The following GRIP1 variants were observed in gnomAD, a reference collection of about 807,000 sequenced individuals.
GRIP1 encodes glutamate receptor-interacting protein 1.
In GRIP1, 45 loss-of-function variants were observed where a neutral mutation model predicts 129.9. The ratio of observed to expected loss-of-function variants is 0.35; its 90% CI spans 0.27 to 0.44. GRIP1 has a LOEUF of 0.44. GRIP1 is among the 20% of genes least tolerant of loss of function. The pLI is 1.00. For missense variants in GRIP1, 1,196 were observed against 1,396.8 expected (o/e 0.86, Z 2.29); for synonymous variants, 530 against 520.8 (o/e 1.02, Z -0.24).
chr12:66,472,843 GCT>G (rs1203445540), intron 7 of GRIP1, among the ~76,000 whole-genome samples: 1 of 152,190 alleles, frequency 6.6e-6, no homozygotes, highest in Non-Finnish European at 1.5e-5. Context: ...ACAAGGAGAT[GCT>G]CTCTGGTGCC....
chr12:66,652,889 G>C (rs968850895), intron 1 of GRIP1, among the ~76,000 whole-genome samples: 2 of 152,214 alleles, frequency 1.3e-5, no homozygotes, highest in African/African-American at 4.8e-5. Flanking sequence ...TGAGGGTTAT[G>C]AAACAGACTA....
At position 66,361,542 on chromosome 12, in the gene GRIP1, C is replaced by A. The variant is rs113928823; in HGVS notation, c.3013-7979G>T. 8.6e-3 allele frequency among the ~76,000 whole-genome samples: 1,303 copies of A among 152,346 alleles called. 9 individuals carry two copies. Among genetic ancestry groups the A allele is most frequent in the Admixed American group, 0.017 (264 of 15,310 alleles). On this transcript the variant is annotated intron_variant, in intron 23 of 24. Coordinates refer to ENST00000359742, the MANE Select transcript of GRIP1 (RefSeq NM_001366722.1). ...AGTAACAAAAACGAAAGAGCTAGAT[C>A]ATTCTCCAAATTCTCCAAGAGATCA... is the stretch of plus-strand genomic sequence containing the variant.
intron 23 of GRIP1, among the ~76,000 whole-genome samples, chr12:66,360,874 A>G (rs998363408): frequency 6.6e-6 from 1 of 152,196 alleles, no homozygotes; most frequent in South Asian, 2.1e-4. Context: ...TCCCAGAAGC[A>G]GTCCTCAAGC....
chr12:67,045,556 C>T (rs2043240975), intron 1 of GRIP1, among the ~76,000 whole-genome samples: 1 of 152,220 alleles, frequency 6.6e-6, no homozygotes, highest in South Asian at 2.1e-4. Context: ...CACTTGCACA[C>T]TGTCTTGGCC....
chr12:66,984,325 T>C (rs1003940739), intron 1 of GRIP1, among the ~76,000 whole-genome samples: 17 of 152,190 alleles, frequency 1.1e-4, no homozygotes, highest in Non-Finnish European at 1.5e-4. Flanking sequence ...TCAAAAGCCA[T>C]GCTGTACAGC....
rs1451270580 is a variant in GRIP1, at chr12:66,524,109, G to C, written c.502+5722C>G. On this transcript the variant is annotated intron_variant, in intron 5 of 24. Coordinates refer to ENST00000359742, the MANE Select transcript of GRIP1 (RefSeq NM_001366722.1). ...ACTTAACACCCCACTGTCAACATTA[G>C]ACAGATCAACGAGACAGAAAGTTAA... is the stretch of plus-strand genomic sequence containing the variant. Among the ~76,000 whole-genome samples the C allele has an allele frequency of 2.0e-5, 3 of 152,076 alleles. 1 individual carries two copies. Among genetic ancestry groups the C allele is most frequent in the Non-Finnish European group, 4.4e-5 (3 of 68,028 alleles).
intron 1 of GRIP1, among the ~76,000 whole-genome samples, chr12:67,000,363 T>C (rs532559161): frequency 1.7e-4 from 26 of 152,312 alleles, no homozygotes; most frequent in African/African-American, 5.8e-4. Flanking sequence ...CGAATCTTCA[T>C]TTTTTCTAGC....
chr12:66,379,687 C>A (rs2056009655), intron 19 of GRIP1, among the ~76,000 whole-genome samples: 1 of 152,144 alleles, frequency 6.6e-6, no homozygotes, highest in Admixed American at 6.5e-5. Context: ...ACACGGACGG[C>A]TTAGAACAGT....
At chr12:66,631,385 C>A (rs757031646) in intron 1 of GRIP1, among the ~76,000 whole-genome samples, 1 of 152,120 alleles carries the variant, frequency 6.6e-6, no homozygotes, top group Non-Finnish European at 1.5e-5. Flanking sequence ...ATTATAGGCA[C>A]TTGATAAATA....
intron 2 of GRIP1, among the ~76,000 whole-genome samples, chr12:66,564,441 A>C (rs575546898): frequency 2.6e-5 from 4 of 152,054 alleles, no homozygotes; most frequent in Non-Finnish European, 5.9e-5. Context: ...CCATGTCCCT[A>C]CAAAAGACAT....
chr12:67,021,793 C>G (rs943916423), intron 1 of GRIP1, among the ~76,000 whole-genome samples: 1 of 152,160 alleles, frequency 6.6e-6, no homozygotes, highest in African/African-American at 2.4e-5. Context: ...ACCAATCTCT[C>G]CCTATCCCCC....
intron 16 of GRIP1, among the ~76,000 whole-genome samples, chr12:66,401,532 T>C (rs1444824717): frequency 6.6e-6 from 1 of 150,496 alleles, no homozygotes; most frequent in Non-Finnish European, 1.5e-5. Context: ...TGAGCCGAGA[T>C]TGTGCCATTG....
intron 1 of GRIP1, among the ~76,000 whole-genome samples, chr12:66,634,178 A>G (rs925378060): frequency 6.6e-6 from 1 of 152,216 alleles, no homozygotes; most frequent in South Asian, 2.1e-4. Flanking sequence ...TTTCCCATAC[A>G]TTTCCAATGT....
intron 1 of GRIP1, among the ~76,000 whole-genome samples, chr12:66,666,417 C>A (rs1016201401): frequency 9.2e-5 from 14 of 152,018 alleles, no homozygotes; most frequent in African/African-American, 3.4e-4. Context: ...CAGCTTTTGT[C>A]CCCCTTAGGA....
At chr12:66,946,785 T>A (rs1259534044) in intron 1 of GRIP1, among the ~76,000 whole-genome samples, 1 of 26,846 alleles carries the variant, frequency 3.7e-5, no homozygotes, top group African/African-American at 1.5e-4. Flanking sequence ...GGGTGGGGGA[T>A]GGGGGGGGTG....
chr12:66,746,229 C>T (rs567483428), intron 1 of GRIP1, among the ~76,000 whole-genome samples: 1 of 152,204 alleles, frequency 6.6e-6, no homozygotes, highest in South Asian at 2.1e-4. Context: ...AAATCAATCT[C>T]TATAAGAAGA....
chr12:66,688,959 A>G (rs191608843), intron 1 of GRIP1, among the ~76,000 whole-genome samples: 17 of 152,262 alleles, frequency 1.1e-4, no homozygotes, highest in African/African-American at 4.8e-5. Flanking sequence ...CCTTCTTAAC[A>G]TCCAGGTGCA....
upstream of GRIP1, among the ~76,000 whole-genome samples, chr12:66,806,755 A>T (rs1026630704): frequency 5.3e-5 from 8 of 152,080 alleles, no homozygotes; most frequent in African/African-American, 1.7e-4. Context: ...TCTACATACC[A>T]AACTCTGTTT....
intron 1 of GRIP1, among the ~76,000 whole-genome samples, chr12:66,621,156 CA>C (rs1428189032): frequency 6.6e-6 from 1 of 152,090 alleles, no homozygotes; most frequent in Admixed American, 6.6e-5. Flanking sequence ...TACAGTTCAA[CA>C]ACATTAAGTA....
Sources: allele counts gnomAD v4.1 joint callset (sites outside exome capture counted in the v4.1 genomes callset), GRCh38; gene constraint gnomAD v4.1.1; transcripts MANE v1.5; gene names NCBI Gene and HGNC (gene_info 2026-07-23, HGNC 2026-07-21).